Variants in C3orf52 observed in about 807,000 individuals in gnomAD.
C3orf52 encodes TPA-induced transmembrane protein.
Under a neutral mutation model 24.8 loss-of-function variants are expected in C3orf52, and 22 were observed. That is an observed-to-expected ratio of 0.89 (90% CI 0.63 to 1.27). The LOEUF is 1.27. C3orf52 is among the 50% of genes most tolerant of loss of function. The pLI, the probability that C3orf52 is intolerant of heterozygous loss-of-function variation, is 0.00. For missense variants in C3orf52, 265 were observed against 260.7 expected (o/e 1.02, Z -0.11); for synonymous variants, 93 against 100.2 (o/e 0.93, Z 0.43).
chr3:112,097,201 C>A (rs1177951999), intron 2 of C3orf52, among the ~76,000 whole-genome samples: 1 of 152,176 alleles, frequency 6.6e-6, no homozygotes, highest in East Asian at 1.9e-4. Flanking sequence ...TGAGTGTTCT[C>A]AAGGGTTCTC....
intron 3 of C3orf52, among the ~76,000 whole-genome samples, chr3:112,106,617 G>C (rs567575368): frequency 8.5e-5 from 13 of 152,268 alleles, no homozygotes; most frequent in South Asian, 2.1e-4. Flanking sequence ...AAGTAACAAG[G>C]GTTTTAGGAA....
In C3orf52 at chr3:112,086,494, T is replaced by A. The variant is rs1559968082; in HGVS notation, c.87T>A (p.Asn29Lys). 1 of 1,551,472 alleles carries A rather than the reference T, an allele frequency of 6.4e-7. No individual in the cohort carries two copies. The highest frequency in any genetic ancestry group is 8.7e-7 in the Non-Finnish European group (1 of 1,146,844). The change falls in exon 1 of 6, where the codon AAT (asparagine) becomes AAA (lysine). Residue 29 changes from asparagine to lysine, a missense_variant. Asn to Lys is a moderately conservative substitution (Grantham distance 94, BLOSUM62 0). Transcript: ENST00000264848. ...ERQPEENTPL[N>K]GADKVFPSLD... ...AGCCAGAAGAGAACACGCCTCTCAA[T>A]GGTGCCGACAAGGTCTTCCCTTCTT...
chr3:112,100,576 T>G (rs1259870110), intron 2 of C3orf52, among the ~76,000 whole-genome samples: 1 of 152,246 alleles, frequency 6.6e-6, no homozygotes, highest in East Asian at 1.9e-4. Context: ...TGGCATCTCT[T>G]CTCAGTGTCC....
chr3:112,133,102 T>A (rs2074498161), downstream of C3orf52: 1 of 1,613,890 alleles, frequency 6.2e-7, no homozygotes, highest in East Asian at 2.2e-5. Context: ...CTGTTTTCTC[T>A]CAGCAGAGAA....
At position 112,116,705 on chromosome 3, in the gene C3orf52, G is replaced by T; in HGVS notation, c.*59G>T. ...GCTCTACCAAGTCCTGGAGATGAAG[G>T]GAATTCACTCTGTTTTGCAGAAAAG... is the stretch of plus-strand genomic sequence containing the variant. On this transcript the variant is annotated 3_prime_UTR_variant, in exon 6 of 6. Transcript: ENST00000264848. The T allele has an allele frequency of 6.3e-7, 1 of 1,578,150 alleles. No individual in the cohort carries two copies. Among genetic ancestry groups the T allele is most frequent in the East Asian group, 2.3e-5 (1 of 43,712 alleles).
At chr3:112,126,938 A>G (rs2074334420) in intron 4 of C3orf52, 1 of 1,229,354 alleles carries the variant, frequency 8.1e-7, no homozygotes, top group African/African-American at 1.5e-5. Context: ...AGTAGTTTGG[A>G]AATGTAAGTC....
chr3:112,094,418 G>T (rs181193410), intron 2 of C3orf52, among the ~76,000 whole-genome samples: 1 of 152,100 alleles, frequency 6.6e-6, no homozygotes, highest in East Asian at 1.9e-4. Flanking sequence ...ATTTCATGTT[G>T]TTGCTTATTT....
intron 4 of C3orf52, chr3:112,123,292 TGCGTGCTAAGAGGGCTTGTGGTATACAAA>T: frequency 4.4e-6 from 6 of 1,360,352 alleles, no homozygotes; most frequent in Non-Finnish European, 5.8e-6. Context: ...TTTTGGCTTT[TGCGTGCTAAGAGGGCTTGTGGTATACAAA>T]CCATGCTCTG....
intron 1 of C3orf52, among the ~76,000 whole-genome samples, chr3:112,086,963 C>T (rs773094129): frequency 2.6e-5 from 4 of 152,310 alleles, no homozygotes; most frequent in Non-Finnish European, 5.9e-5. Flanking sequence ...CTCTTACCTT[C>T]ACTGCCTTGC....
At chr3:112,133,029 C>G (rs2074495797), downstream of C3orf52, 1 of 1,540,296 alleles carries the variant, frequency 6.5e-7, no homozygotes, top group Non-Finnish European at 8.9e-7. Flanking sequence ...CTTTCTTTTT[C>G]TCTTCCTTGC....
chr3:112,123,471 T>G, intron 4 of C3orf52: 1 of 1,613,946 alleles, frequency 6.2e-7, no homozygotes, highest in Non-Finnish European at 8.5e-7. Flanking sequence ...ATGGGAAAAC[T>G]GAGTCTCAGA....
At chr3:112,105,214 T>C (rs1321505788) in intron 3 of C3orf52, among the ~76,000 whole-genome samples, 3 of 152,196 alleles carry the variant, frequency 2.0e-5, no homozygotes, top group South Asian at 2.1e-4. Context: ...CCAGTGCACT[T>C]TCTCTGTGTA....
chr3:112,109,750 C>T, intron 4 of C3orf52, 137 bp downstream of exon 4: 1 of 586,738 alleles, frequency 1.7e-6, no homozygotes, highest in East Asian at 2.9e-5. Context: ...CACAGAATGT[C>T]AGTGCTGGGA....
downstream of C3orf52, among the ~76,000 whole-genome samples, chr3:112,119,248 G>T (rs576171430): frequency 1.1e-4 from 17 of 152,052 alleles, no homozygotes; most frequent in Non-Finnish European, 2.4e-4. Flanking sequence ...GGTGGCAGGC[G>T]CCTGTAATCC....
intron 1 of C3orf52, among the ~76,000 whole-genome samples, chr3:112,086,767 C>G (rs1050677797): frequency 6.6e-6 from 1 of 152,208 alleles, no homozygotes; most frequent in Non-Finnish European, 1.5e-5. Context: ...ACCCCTCTGA[C>G]CCCCGAGGCG....
chr3:112,111,454 A>G (rs771064582), intron 4 of C3orf52: 19 of 152,258 alleles, frequency 1.2e-4, no homozygotes, highest in Admixed American at 1.1e-3. Context: ...CCTTTGGTTT[A>G]TTAGCTGCTA....
At chr3:112,100,385 T>C (rs2073961943) in intron 2 of C3orf52, among the ~76,000 whole-genome samples, 1 of 152,236 alleles carries the variant, frequency 6.6e-6, no homozygotes, top group South Asian at 2.1e-4. Flanking sequence ...CGAATAAGTA[T>C]AGCCCAGATT....
intron 2 of C3orf52, among the ~76,000 whole-genome samples, chr3:112,102,463 G>A (rs2073981857): frequency 6.6e-6 from 1 of 152,160 alleles, no homozygotes; most frequent in Non-Finnish European, 1.5e-5. Flanking sequence ...TCTGAGTGTA[G>A]TTTAGCCACC....
intron 2 of C3orf52, among the ~76,000 whole-genome samples, chr3:112,093,965 A>G (rs1333414325): frequency 6.6e-6 from 1 of 152,106 alleles, no homozygotes; most frequent in Non-Finnish European, 1.5e-5. Flanking sequence ...CCATGTGTCC[A>G]TAAGCTGTCA....
Sources: gnomAD v4.1 joint callset for allele counts (sites outside exome capture counted in the v4.1 genomes callset) on GRCh38, gnomAD v4.1.1 for gene constraint, MANE v1.5 for transcripts, NCBI Gene and HGNC (gene_info 2026-07-23, HGNC 2026-07-21) for gene names.